The following RARB variants were observed in gnomAD, a reference collection of about 807,000 sequenced individuals.
RARB encodes HBV-activated protein.
A neutral mutation model predicts 51.9 loss-of-function variants in RARB; 17 were observed. That is an observed-to-expected ratio of 0.33 (90% CI 0.22 to 0.49). The LOEUF is 0.49. Ranked by LOEUF, RARB falls within the 20% of genes least tolerant of loss-of-function variation. RARB has a pLI of 0.99. For synonymous variants in RARB, 215 were observed against 195.4 expected (o/e 1.10, Z -0.84); for missense variants, 369 against 550.8 (o/e 0.67, Z 3.30).
intron 2 of RARB, among the ~76,000 whole-genome samples, chr3:24,980,977 A>G (rs1011045571): frequency 6.6e-6 from 1 of 151,940 alleles, no homozygotes; most frequent in Non-Finnish European, 1.5e-5. Context: ...GTTGATGCTG[A>G]TGCTATTCCT....
At chr3:25,049,816 A>C (rs1698290730) in intron 2 of RARB, among the ~76,000 whole-genome samples, 1 of 152,260 alleles carries the variant, frequency 6.6e-6, no homozygotes, top group Admixed American at 6.5e-5. Flanking sequence ...TAATCACTTG[A>C]AACTGCCCAG....
chr3:25,299,763 AT>A (rs1160329746), intron 5 of RARB, among the ~76,000 whole-genome samples: 3 of 115,284 alleles, frequency 2.6e-5, no homozygotes, highest in Non-Finnish European at 4.2e-5. Flanking sequence ...ACCAAAAAAA[AT>A]AAATAAATAA....
At chr3:25,075,735 A>G (rs1196557646) in intron 3 of RARB, among the ~76,000 whole-genome samples, 1 of 152,086 alleles carries the variant, frequency 6.6e-6, no homozygotes, top group African/African-American at 2.4e-5. Context: ...ATCCCCTGAT[A>G]AAATATTATT....
At chr3:25,503,518 T>TA (rs1000532645) in intron 3 of RARB, among the ~76,000 whole-genome samples, 1 of 151,888 alleles carries the variant, frequency 6.6e-6, no homozygotes. Context: ...GGTTGGCAAT[T>TA]AAAAAAAATA....
chr3:25,304,388 C>A (rs989592645), intron 5 of RARB, among the ~76,000 whole-genome samples: 3 of 152,220 alleles, frequency 2.0e-5, no homozygotes, highest in Non-Finnish European at 4.4e-5. Context: ...CCCAAATCTT[C>A]CCACCTCTAT....
rs1701864963 is a variant in RARB, at chr3:25,597,028, G to A, written c.*412G>A. ...TGTCTTGCATACTCAAAATAACCAT[G>A]ACACCAAGGTTATGAAATAGACTAC... On this transcript the variant is annotated 3_prime_UTR_variant, in exon 8 of 8. Coordinates refer to ENST00000330688, the MANE Select transcript of RARB (RefSeq NM_000965.5). 1.3e-5 allele frequency: 2 copies of A among 158,434 alleles called. No individual in the cohort carries two copies. Among genetic ancestry groups the A allele is most frequent in the African/African-American group, 4.8e-5 (2 of 41,538 alleles). 9.8% of individuals were successfully genotyped at this position (158,434 alleles called of 1,614,324 possible). A position where few individuals can be genotyped will look rare whatever the true frequency, so the allele number is the denominator to read the frequency against.
At chr3:25,199,589 C>G (rs562367776) in intron 5 of RARB, among the ~76,000 whole-genome samples, 1 of 152,064 alleles carries the variant, frequency 6.6e-6, no homozygotes, top group East Asian at 1.9e-4. Context: ...TTTCCTAATG[C>G]TATCCCTTCC....
intron 2 of RARB, among the ~76,000 whole-genome samples, chr3:24,964,964 G>C (rs759200153): frequency 2.6e-5 from 4 of 152,136 alleles, no homozygotes; most frequent in African/African-American, 7.2e-5. Context: ...ACTATATACA[G>C]TGATTAAAAG....
intron 5 of RARB, among the ~76,000 whole-genome samples, chr3:25,188,496 G>A (rs75009464): frequency 0.018 from 2,665 of 152,190 alleles, 37 homozygotes; most frequent in South Asian, 0.051. Flanking sequence ...TTAGCATTTT[G>A]AAGTGTTAAC....
At chr3:25,425,078 G>A (rs574980856), upstream of RARB, among the ~76,000 whole-genome samples, 1 of 152,198 alleles carries the variant, frequency 6.6e-6, no homozygotes, top group African/African-American at 2.4e-5. Context: ...TTAGATCATT[G>A]ATCAAACACA....
At chr3:24,977,001 C>T (rs181930405) in intron 2 of RARB, among the ~76,000 whole-genome samples, 14 of 152,192 alleles carry the variant, frequency 9.2e-5, no homozygotes, top group South Asian at 2.1e-4. Context: ...TTCCCAGCAC[C>T]GCTTATTAAA....
At chr3:25,257,712 G>T (rs1246602509) in intron 5 of RARB, among the ~76,000 whole-genome samples, 2 of 152,014 alleles carry the variant, frequency 1.3e-5, no homozygotes, top group Non-Finnish European at 2.9e-5. Context: ...TATTTACAGA[G>T]TCTTCCAAGA....
chr3:25,339,591 T>TC (rs1378796141), intron 5 of RARB, among the ~76,000 whole-genome samples: 5 of 151,904 alleles, frequency 3.3e-5, no homozygotes, highest in Non-Finnish European at 5.9e-5. Context: ...GTTTTTTTTT[T>TC]TTTTTAATCA....
chr3:25,333,037 A>C (rs1289250047), intron 5 of RARB, among the ~76,000 whole-genome samples: 1 of 152,236 alleles, frequency 6.6e-6, no homozygotes, highest in East Asian at 1.9e-4. Context: ...GGACACAAAC[A>C]AATGGAAGAA....
At chr3:24,988,564 G>T (rs1696843632) in intron 2 of RARB, among the ~76,000 whole-genome samples, 1 of 151,982 alleles carries the variant, frequency 6.6e-6, no homozygotes, top group African/African-American at 2.4e-5. Context: ...TCTGGTTCGT[G>T]TGTTTTATAA....
intron 2 of RARB, among the ~76,000 whole-genome samples, chr3:24,941,108 G>T (rs1315081487): frequency 6.6e-6 from 1 of 152,082 alleles, no homozygotes. Flanking sequence ...TTAGAATGGG[G>T]ATGAGGTAAA....
At chr3:25,181,081 C>T (rs1379847913) in intron 5 of RARB, among the ~76,000 whole-genome samples, 1 of 152,172 alleles carries the variant, frequency 6.6e-6, no homozygotes, top group Non-Finnish European at 1.5e-5. Flanking sequence ...AGTCAGTCCT[C>T]TTTTCATAAC....
chr3:24,998,417 G>A (rs1008946942), intron 2 of RARB, among the ~76,000 whole-genome samples: 1 of 151,778 alleles, frequency 6.6e-6, no homozygotes, highest in Non-Finnish European at 1.5e-5. Flanking sequence ...CAGATGTGGT[G>A]TTTGGATTTT....
At chr3:24,921,634 C>G (rs971014850) in intron 2 of RARB, among the ~76,000 whole-genome samples, 2 of 152,056 alleles carry the variant, frequency 1.3e-5, no homozygotes, top group Non-Finnish European at 2.9e-5. Context: ...AGGTCCCCCC[C>G]ATCTCCTCTT....
Sources: gnomAD v4.1 joint callset for allele counts (sites outside exome capture counted in the v4.1 genomes callset) on GRCh38, gnomAD v4.1.1 for gene constraint, MANE v1.5 for transcripts, NCBI Gene and HGNC (gene_info 2026-07-23, HGNC 2026-07-21) for gene names.